The following PAX5 variants were observed in gnomAD, a reference collection of about 807,000 sequenced individuals.
PAX5 encodes the protein paired box protein Pax-5.
In PAX5, 9 loss-of-function variants were observed where a neutral mutation model predicts 43.7. That is an observed-to-expected ratio of 0.21 (90% CI 0.12 to 0.36). PAX5 has a LOEUF of 0.36. Among genes scored for constraint, PAX5 ranks in the 10% least tolerant of loss-of-function variants. The probability of loss-of-function intolerance (pLI) is 1.00; values close to 1 mark genes in which losing one functional copy is unlikely to be tolerated. For missense variants in PAX5, 383 were observed against 532.7 expected (o/e 0.72, Z 2.77); for synonymous variants, 228 against 214.3 (o/e 1.06, Z -0.56).
At chr9:37,018,254 T>C (rs1181287793) in intron 2 of PAX5, among the ~76,000 whole-genome samples, 2 of 152,080 alleles carry the variant, frequency 1.3e-5, no homozygotes, top group Non-Finnish European at 2.9e-5. Context: ...CTGTGTAACA[T>C]ACTACCCAAT....
intron 7 of PAX5, among the ~76,000 whole-genome samples, chr9:36,901,342 G>T: frequency 6.6e-6 from 1 of 151,728 alleles, no homozygotes; most frequent in Non-Finnish European, 1.5e-5. Flanking sequence ...GCTCATTTCC[G>T]TGTGCTCAAG....
At chr9:36,889,713 A>G (rs1484090631) in intron 7 of PAX5, among the ~76,000 whole-genome samples, 1 of 152,200 alleles carries the variant, frequency 6.6e-6, no homozygotes, top group Non-Finnish European at 1.5e-5. Context: ...GGCCTGGCAC[A>G]CAGTAGGTAC....
At position 36,858,900 on chromosome 9, in the gene PAX5, C is replaced by T. The variant is rs138405256; in HGVS notation, c.1013-11971G>A. ...AATGTCCCGCCGCTGACTAATGAGACGGAGGGTGAAGGTGTCATACCTTGC... is the reference window on the plus strand; with the variant it reads ...AATGTCCCGCCGCTGACTAATGAGATGGAGGGTGAAGGTGTCATACCTTGC... On this transcript the variant is annotated intron_variant, in intron 8 of 9. Transcript: ENST00000358127. Among the ~76,000 whole-genome samples the T allele has an allele frequency of 9.5e-4, 144 of 152,252 alleles. 1 individual carries two copies. The highest frequency in any genetic ancestry group is 3.4e-3 in the African/African-American group (143 of 41,540).
At position 36,840,282 on chromosome 9, in the gene PAX5, C is replaced by T. The variant is rs775373715; in HGVS notation, c.*278G>A. The T allele has an allele frequency of 2.5e-5, 14 of 549,186 alleles. No individual in the cohort carries two copies. The highest frequency in any genetic ancestry group is 3.6e-5 in the Non-Finnish European group (11 of 308,700). The allele number at this position is 549,186 out of a possible 1,614,324, so 34.0% of individuals were successfully genotyped here. The stretch of plus-strand genomic sequence containing the variant: ...GGACAGGCAGGCTGGGCTGGGGCTG[C>T]GGTTATTTGCAGGACAGTCTATTGG... On this transcript the variant is annotated 3_prime_UTR_variant, in exon 10 of 10. Coordinates refer to ENST00000358127, the MANE Select transcript of PAX5 (RefSeq NM_016734.3).
intron 8 of PAX5, among the ~76,000 whole-genome samples, chr9:36,879,917 C>T (rs975434421): frequency 1.3e-5 from 2 of 152,186 alleles, no homozygotes; most frequent in African/African-American, 4.8e-5. Context: ...TGCCACAGGT[C>T]CATCCTTGCA....
chr9:37,019,335 A>G (rs1038157499), intron 2 of PAX5, among the ~76,000 whole-genome samples: 1 of 151,984 alleles, frequency 6.6e-6, no homozygotes, highest in Non-Finnish European at 1.5e-5. Context: ...ATCACCCCCT[A>G]TCTCTGGGGT....
At chr9:36,919,676 A>C (rs558248291) in intron 7 of PAX5, among the ~76,000 whole-genome samples, 1 of 152,054 alleles carries the variant, frequency 6.6e-6, no homozygotes, top group African/African-American at 2.4e-5. Context: ...CTCCGTCTCT[A>C]CTAAAAATAC....
At chr9:36,875,659 C>A (rs987340367) in intron 8 of PAX5, among the ~76,000 whole-genome samples, 4 of 152,212 alleles carry the variant, frequency 2.6e-5, no homozygotes, top group African/African-American at 9.6e-5. Context: ...TGAACATGGG[C>A]AGATTATCCT....
At chr9:36,857,886 C>T (rs73648138) in intron 8 of PAX5, among the ~76,000 whole-genome samples, 1,780 of 152,316 alleles carry the variant, frequency 0.012, 30 homozygotes, top group African/African-American at 0.034. Flanking sequence ...CTCTGAACCA[C>T]GTCATGGTTT....
intron 6 of PAX5, chr9:36,930,743 C>A: frequency 1.3e-6 from 1 of 782,912 alleles, no homozygotes; most frequent in Non-Finnish European, 1.8e-6. Context: ...CCTCGACGAT[C>A]ATGAGAATCT....
chr9:36,870,561 C>T (rs965822594), intron 8 of PAX5, among the ~76,000 whole-genome samples: 1 of 152,210 alleles, frequency 6.6e-6, no homozygotes, highest in African/African-American at 2.4e-5. Flanking sequence ...AACAATGTTA[C>T]AATTTGTAAA....
At chr9:36,911,184 TTGCCTGGTTC>T (rs1427986017) in intron 7 of PAX5, among the ~76,000 whole-genome samples, 1 of 152,180 alleles carries the variant, frequency 6.6e-6, no homozygotes. Context: ...TTACTGTAAA[TTGCCTGGTTC>T]TGCCCCACAA....
intron 3 of PAX5, among the ~76,000 whole-genome samples, chr9:37,011,007 G>A (rs1459890457): frequency 6.6e-6 from 1 of 151,978 alleles, no homozygotes; most frequent in African/African-American, 2.4e-5. Flanking sequence ...TGTAGTCCTA[G>A]CTACTTGGGA....
At chr9:36,863,232 G>A (rs74500550) in intron 8 of PAX5, among the ~76,000 whole-genome samples, 2,931 of 152,232 alleles carry the variant, frequency 0.019, 96 homozygotes, top group African/African-American at 0.066. Context: ...AGACAGACCC[G>A]CCTGGGTTCT....
intron 5 of PAX5, among the ~76,000 whole-genome samples, chr9:36,978,068 C>T (rs951076041): frequency 2.6e-5 from 4 of 152,216 alleles, no homozygotes; most frequent in Non-Finnish European, 5.9e-5. Context: ...AGTGCAAATA[C>T]ATTATTGAAG....
At chr9:36,848,831 C>T (rs1352778610) in intron 8 of PAX5, among the ~76,000 whole-genome samples, 1 of 152,192 alleles carries the variant, frequency 6.6e-6, no homozygotes, top group Non-Finnish European at 1.5e-5. Context: ...GTCTCAGGTC[C>T]ATCTGGCTGG....
At chr9:36,914,225 A>C (rs1178208812) in intron 7 of PAX5, among the ~76,000 whole-genome samples, 4 of 152,234 alleles carry the variant, frequency 2.6e-5, no homozygotes, top group African/African-American at 9.6e-5. Context: ...TCTAGAACTG[A>C]ACTTCATTTA....
At chr9:36,933,465 G>A (rs1831291193) in intron 6 of PAX5, among the ~76,000 whole-genome samples, 1 of 152,174 alleles carries the variant, frequency 6.6e-6, no homozygotes, top group South Asian at 2.1e-4. Context: ...GCAGGTCCGT[G>A]GTGCCCCGGG....
intron 7 of PAX5, among the ~76,000 whole-genome samples, chr9:36,892,597 G>T (rs1827497360): frequency 6.6e-6 from 1 of 152,180 alleles, no homozygotes; most frequent in Non-Finnish European, 1.5e-5. Context: ...GATTGTTTCA[G>T]TAGGTGAATC....
Sources: gnomAD v4.1 joint callset for allele counts (sites outside exome capture counted in the v4.1 genomes callset) on GRCh38, gnomAD v4.1.1 for gene constraint, MANE v1.5 for transcripts, NCBI Gene and HGNC (gene_info 2026-07-23, HGNC 2026-07-21) for gene names.